The following RBL1 variants were observed in gnomAD, a reference collection of about 807,000 sequenced individuals.
RBL1 encodes the protein RB transcriptional corepressor like 1.
A neutral mutation model predicts 123.0 loss-of-function variants in RBL1; 82 were observed. The observed-to-expected ratio is 0.67, with a 90% CI of 0.56 to 0.80. RBL1 has a LOEUF of 0.80. RBL1 is among the 30% of genes least tolerant of loss of function. The pLI, the probability that RBL1 is intolerant of heterozygous loss-of-function variation, is 0.00. For synonymous variants in RBL1, 405 were observed against 441.3 expected, an observed-to-expected ratio of 0.92 and a Z score of 1.03; for missense variants, 1,171 against 1,299.6, an observed-to-expected ratio of 0.90 and a Z score of 1.52.
chr20:37,018,225 G>T, intron 19 of RBL1, 54 bp downstream of exon 19: 1 of 1,529,054 alleles, frequency 6.5e-7, no homozygotes, highest in Non-Finnish European at 8.8e-7. Flanking sequence ...ACTGTATTAT[G>T]TACAGTGTGA....
At chr20:37,028,194 G>A (rs770210858) in intron 16 of RBL1, among the ~76,000 whole-genome samples, 10 of 152,200 alleles carry the variant, frequency 6.6e-5, no homozygotes, top group Middle Eastern at 3.4e-3. Context: ...GTGAAACCAC[G>A]TCTCTACTAA....
At chr20:37,027,951 C>T (rs185386291) in intron 16 of RBL1, among the ~76,000 whole-genome samples, 4 of 152,246 alleles carry the variant, frequency 2.6e-5, no homozygotes, top group Non-Finnish European at 4.4e-5. Context: ...GACTGGGTCT[C>T]GCTATGTTGC....
intron 14 of RBL1, among the ~76,000 whole-genome samples, chr20:37,035,895 T>C (rs1306803813): frequency 2.0e-5 from 3 of 152,120 alleles, no homozygotes; most frequent in Non-Finnish European, 4.4e-5. Flanking sequence ...AATCAGGAAT[T>C]TGGGTCACAG....
At chr20:37,013,145 A>AG (rs890569800) in intron 19 of RBL1, among the ~76,000 whole-genome samples, 129 of 152,380 alleles carry the variant, frequency 8.5e-4, no homozygotes, top group African/African-American at 2.9e-3. Context: ...TGGAATAGAA[A>AG]GGGGGGAAAG....
chr20:37,049,216 A>G (rs913182392), intron 11 of RBL1: 7 of 416,618 alleles, frequency 1.7e-5, no homozygotes, highest in Non-Finnish European at 3.1e-5. Context: ...AACAAAAAAC[A>G]AAAAACAAAA....
chr20:37,035,796 TG>T (rs2064601949), intron 14 of RBL1, among the ~76,000 whole-genome samples: 1 of 152,198 alleles, frequency 6.6e-6, no homozygotes, highest in South Asian at 2.1e-4. Context: ...AGAGGTAGAA[TG>T]AAGTGAGCAC....
intron 20 of RBL1, 112 bp downstream of exon 20, chr20:37,007,299 C>G (rs2066294449): frequency 2.7e-6 from 3 of 1,126,704 alleles, no homozygotes; most frequent in Non-Finnish European, 3.8e-6. Flanking sequence ...ACTGGACATG[C>G]TCTGATTAAT....
intron 16 of RBL1, among the ~76,000 whole-genome samples, chr20:37,029,413 T>C (rs554737302): frequency 6.6e-6 from 1 of 152,314 alleles, no homozygotes; most frequent in South Asian, 2.1e-4. Flanking sequence ...AAAATCTGTA[T>C]ATAAGTGGAC....
At chr20:37,044,030 C>T (rs2064774937) in intron 13 of RBL1, 56 bp downstream of exon 13, 15 of 1,101,640 alleles carry the variant, frequency 1.4e-5, no homozygotes, top group Non-Finnish European at 1.9e-5. Context: ...CTCAATAAAG[C>T]TGGTTTTTTT....
chr20:37,091,321 G>C (rs2065642278), intron 1 of RBL1, among the ~76,000 whole-genome samples: 1 of 151,314 alleles, frequency 6.6e-6, no homozygotes, highest in Non-Finnish European at 1.5e-5. Flanking sequence ...TCACGCCACT[G>C]CACTCCAGCC....
intron 14 of RBL1, among the ~76,000 whole-genome samples, chr20:37,037,552 AACTG>A (rs1214607610): frequency 6.6e-6 from 1 of 152,200 alleles, no homozygotes; most frequent in Admixed American, 6.5e-5. Context: ...AAACATTAAT[AACTG>A]ACAGAAAGAA....
intron 2 of RBL1, among the ~76,000 whole-genome samples, chr20:37,070,653 A>C (rs756001310): frequency 6.6e-6 from 1 of 152,278 alleles, no homozygotes; most frequent in Non-Finnish European, 1.5e-5. Context: ...TTCCACAACC[A>C]AAAGTAAAGA....
intron 16 of RBL1, 74 bp downstream of exon 16, chr20:37,032,589 CAA>C: frequency 6.4e-7 from 1 of 1,560,700 alleles, no homozygotes; most frequent in Non-Finnish European, 8.6e-7. Flanking sequence ...AAAAAAAGAC[CAA>C]AGTCTGTCTC....
chr20:37,050,654 G>A (rs6031009), intron 11 of RBL1, among the ~76,000 whole-genome samples: 24,559 of 148,532 alleles, frequency 0.17, 2,442 homozygotes, highest in East Asian at 0.48. Context: ...TCTGAAAAAT[G>A]AAAGTTCCAG....
At position 37,074,440 on chromosome 20, in the gene RBL1, AG is replaced by A. The variant is rs1269330457; in HGVS notation, c.291-6255del. Among the ~76,000 whole-genome samples, 3 of 150,608 alleles carry A rather than the reference AG, an allele frequency of 2.0e-5. No individual in the cohort carries two copies. The East Asian group carries it at 5.9e-4, about 29-fold the overall frequency. On this transcript the variant is annotated intron_variant, in intron 2 of 21. Coordinates refer to ENST00000373664, the MANE Select transcript of RBL1 (RefSeq NM_002895.5). Reference sequence around the variant, plus strand: ...GAAAAAAAAAAAAAAAAAATTTAAGAGAGAGAGAGAGAAGAGAATACACTAT... The same window carrying A: ...GAAAAAAAAAAAAAAAAAATTTAAGAAGAGAGAGAGAAGAGAATACACTAT...
intron 16 of RBL1, among the ~76,000 whole-genome samples, chr20:37,028,988 G>A (rs1342255977): frequency 6.6e-6 from 1 of 152,158 alleles, no homozygotes; most frequent in Non-Finnish European, 1.5e-5. Flanking sequence ...AACAGCATAT[G>A]AAGAGGGTTA....
chr20:37,054,596 G>T (rs2064972929), intron 11 of RBL1, among the ~76,000 whole-genome samples: 1 of 152,064 alleles, frequency 6.6e-6, no homozygotes, highest in Admixed American at 6.6e-5. Context: ...TTGTGAGGCT[G>T]AGGTGGGCAG....
intron 2 of RBL1, chr20:37,081,972 G>T (rs1174125684): frequency 2.2e-6 from 1 of 456,034 alleles, no homozygotes; most frequent in South Asian, 1.5e-5. Flanking sequence ...CTCGCTTCAG[G>T]TCACTTCATG....
At chr20:37,062,913 C>T (rs1472958290) in intron 7 of RBL1, among the ~76,000 whole-genome samples, 4 of 148,628 alleles carry the variant, frequency 2.7e-5, no homozygotes, top group Admixed American at 1.3e-4. Flanking sequence ...ACCTGGGAGG[C>T]GGAGCTTGCA....
Sources: allele counts gnomAD v4.1 joint callset (sites outside exome capture counted in the v4.1 genomes callset), GRCh38; gene constraint gnomAD v4.1.1; transcripts MANE v1.5; gene names NCBI Gene and HGNC (gene_info 2026-07-23, HGNC 2026-07-21).